The following LGR5 variants were observed in gnomAD, a reference collection of about 807,000 sequenced individuals.
LGR5 encodes leucine-rich repeat-containing G protein-coupled receptor 5.
In LGR5, 54 loss-of-function variants were observed where a neutral mutation model predicts 76.7. The observed-to-expected ratio is 0.70, with a 90% CI of 0.57 to 0.88. The LOEUF is 0.88. Ranked by LOEUF, LGR5 falls within the 40% of genes least tolerant of loss-of-function variation. The pLI is 0.00. For synonymous variants in LGR5, 406 were observed against 421.9 expected (o/e 0.96, Z 0.46); for missense variants, 1,078 against 1,073.3 (o/e 1.00, Z -0.06).
intron 12 of LGR5, among the ~76,000 whole-genome samples, chr12:71,572,164 C>A (rs1362737362): frequency 6.6e-6 from 1 of 151,638 alleles, no homozygotes; most frequent in Non-Finnish European, 1.5e-5. Flanking sequence ...CTCACTGCCA[C>A]CTCTGCCTTG....
chr12:71,448,476 G>A (rs1478977382), intron 1 of LGR5: 1 of 152,184 alleles, frequency 6.6e-6, no homozygotes, highest in African/African-American at 2.4e-5. Flanking sequence ...TGTTGTGTTT[G>A]GGTTGATGCA....
chr12:71,579,155 A>T (rs188689226), intron 15 of LGR5, among the ~76,000 whole-genome samples: 1 of 152,334 alleles, frequency 6.6e-6, no homozygotes, highest in Admixed American at 6.5e-5. Context: ...CCAGAATCAT[A>T]GAGTTCATAG....
Position 71,553,060 on chromosome 12 carries a change from C to G in LGR5, c.429-13C>G, listed in dbSNP as rs753658616. ...TTGCTCTCTTTTCCATTCTTGCTTT[C>G]TTTCTTCCACAGGCGTCTGGATGCT... On this transcript the variant is annotated splice_polypyrimidine_tract_variant and intron_variant, in intron 4 of 17. Transcript: ENST00000266674. The G allele has an allele frequency of 4.3e-6, 7 of 1,612,958 alleles. No homozygotes were observed. Among genetic ancestry groups the G allele is most frequent in the East Asian group, 2.2e-5 (1 of 44,828 alleles).
rs1235827194 is a variant in LGR5 at position 71,584,455 on chromosome 12, C to T, written c.2445C>T (p.Leu815=). 6.2e-7 allele frequency: 1 copy of T among 1,614,050 alleles called. No homozygotes were observed. Among genetic ancestry groups the T allele is most frequent in the East Asian group, 2.2e-5 (1 of 44,894 alleles). The change falls in exon 18 of 18, where the codon CTC becomes CTT. Residue 815 remains leucine (L), a synonymous_variant. Coordinates refer to ENST00000266674, the MANE Select transcript of LGR5 (RefSeq NM_003667.4). The part of the protein sequence containing the change: ...LLVVVPLPAC[L]NPLLYILFNP... ...TGGTAGTCCCACTTCCTGCATGTCT[C>T]AATCCCCTTCTCTACATCTTGTTCA...
chr12:71,498,932 G>C (rs1254487114), intron 1 of LGR5, among the ~76,000 whole-genome samples: 2 of 152,212 alleles, frequency 1.3e-5, no homozygotes, highest in Admixed American at 6.5e-5. Context: ...AGTGGTAAAG[G>C]CTCGCAGCAG....
rs551026499 is a variant in LGR5 at position 71,566,966 on chromosome 12, G to A, written c.1070+54G>A. ...GTAAACAGGCAACTTCCATTTAGGG[G>A]TGAAATGGCAGACATGATTTCAATA... On this transcript the variant is annotated intron_variant, in intron 11 of 17. Coordinates refer to ENST00000266674, the MANE Select transcript of LGR5 (RefSeq NM_003667.4). 2.8e-5 allele frequency: 35 copies of A among 1,262,922 alleles called. 1 individual carries two copies. The South Asian group carries it at 3.5e-4, about 12-fold the overall frequency. The allele number at this position is 1,262,922 out of a possible 1,614,324, so 78.2% of individuals were successfully genotyped here. A position where few individuals can be genotyped will look rare whatever the true frequency, so the allele number is the denominator to read the frequency against.
intron 1 of LGR5, among the ~76,000 whole-genome samples, chr12:71,491,120 T>C (rs1275038281): frequency 6.6e-6 from 1 of 152,210 alleles, no homozygotes. Context: ...GCTCCTCCTT[T>C]GCCTTCTGCT....
intron 11 of LGR5, among the ~76,000 whole-genome samples, chr12:71,569,587 G>A (rs1054958687): frequency 6.6e-6 from 1 of 152,194 alleles, no homozygotes; most frequent in African/African-American, 2.4e-5. Context: ...TTAGAGAAAT[G>A]CAAGTCAAAA....
intron 1 of LGR5, among the ~76,000 whole-genome samples, chr12:71,445,884 A>G (rs563754274): frequency 6.6e-6 from 1 of 152,344 alleles, no homozygotes; most frequent in African/African-American, 2.4e-5. Flanking sequence ...TAAGTCTGGA[A>G]TTGGAGACGC....
chr12:71,511,468 G>A (rs1211782456), intron 2 of LGR5, among the ~76,000 whole-genome samples: 1 of 152,126 alleles, frequency 6.6e-6, no homozygotes, highest in Non-Finnish European at 1.5e-5. Flanking sequence ...AAAGCTTGAG[G>A]ACCACTACTC....
chr12:71,572,110 G>C (rs555554265), intron 12 of LGR5, among the ~76,000 whole-genome samples: 130 of 147,430 alleles, frequency 8.8e-4, no homozygotes, highest in South Asian at 8.0e-3. Flanking sequence ...TCAAGATGGA[G>C]TCTCGCTCTG....
intron 1 of LGR5, among the ~76,000 whole-genome samples, chr12:71,478,016 TCTC>T (rs1050044058): frequency 2.6e-5 from 4 of 152,206 alleles, no homozygotes; most frequent in African/African-American, 9.6e-5. Context: ...GCATGGGTCT[TCTC>T]CTTTTTGAGA....
At chr12:71,457,255 G>A (rs560557777) in intron 1 of LGR5, among the ~76,000 whole-genome samples, 8 of 152,254 alleles carry the variant, frequency 5.3e-5, no homozygotes, top group East Asian at 1.9e-4. Context: ...CGGCCTGGCC[G>A]TGGGAAATAC....
intron 1 of LGR5, 146 bp from the exon 2 acceptor site, chr12:71,504,468 A>G (rs2137303753): frequency 1.4e-6 from 1 of 737,382 alleles, no homozygotes; most frequent in Middle Eastern, 3.1e-4. Flanking sequence ...AGGAATTAAT[A>G]TTTAAGATGT....
In LGR5 at chr12:71,584,584, A is replaced by C; in HGVS notation, c.2574A>C (p.Glu858Asp). 1.9e-6 allele frequency: 3 copies of C among 1,614,132 alleles called. No homozygotes were observed. Among genetic ancestry groups the C allele is most frequent in the Non-Finnish European group, 2.5e-6 (3 of 1,180,040 alleles). The change falls in exon 18 of 18, where the codon GAA (glutamate) becomes GAC (aspartate). Residue 858 changes from glutamate to aspartate, a missense_variant. Coordinates refer to ENST00000266674, the MANE Select transcript of LGR5 (RefSeq NM_003667.4). ...TGTCAATTAACTCTGATGATGTCGA[A>C]AAACAGTCCTGTGACTCAACTCAAG... ...SLMSINSDDV[E>D]KQSCDSTQAL...
intron 4 of LGR5, among the ~76,000 whole-genome samples, chr12:71,545,141 AAATC>A (rs1877089901): frequency 9.4e-6 from 1 of 106,370 alleles, no homozygotes; most frequent in African/African-American, 3.3e-5. Flanking sequence ...AAATAAAAAT[AAATC>A]TTTTTATAAT....
At chr12:71,518,250 AG>A (rs1197852538) in intron 2 of LGR5, among the ~76,000 whole-genome samples, 11 of 152,230 alleles carry the variant, frequency 7.2e-5, no homozygotes, top group Admixed American at 2.0e-4. Context: ...ATGAAAAAAA[AG>A]CTCAGCATTA....
At chr12:71,563,150 C>T (rs894098429) in intron 8 of LGR5, among the ~76,000 whole-genome samples, 3 of 152,106 alleles carry the variant, frequency 2.0e-5, no homozygotes, top group Non-Finnish European at 4.4e-5. Context: ...TATATTAGAC[C>T]TCCTATCCAC....
chr12:71,547,711 G>A (rs1877256529), intron 4 of LGR5, among the ~76,000 whole-genome samples: 1 of 152,132 alleles, frequency 6.6e-6, no homozygotes, highest in African/African-American at 2.4e-5. Context: ...CAAGTCTCCT[G>A]ATTCAGTGCA....
Sources: allele counts gnomAD v4.1 joint callset (sites outside exome capture counted in the v4.1 genomes callset), GRCh38; gene constraint gnomAD v4.1.1; transcripts MANE v1.5; gene names NCBI Gene and HGNC (gene_info 2026-07-23, HGNC 2026-07-21).